PDE5A: variants seen among roughly 807,000 people sequenced by gnomAD.
The protein encoded by PDE5A is cGMP-specific 3',5'-cyclic phosphodiesterase.
A neutral mutation model predicts 110.2 loss-of-function variants in PDE5A; 67 were observed. The observed-to-expected ratio is 0.61, with a 90% confidence interval of 0.50 to 0.75. The LOEUF (loss-of-function observed/expected upper bound fraction) is 0.75, where lower values mean the gene tolerates loss of function less well. PDE5A is among the 30% of genes least tolerant of loss of function. The probability of loss-of-function intolerance (pLI) is 0.00; values close to 1 mark genes in which losing one functional copy is unlikely to be tolerated. For missense variants in PDE5A, 862 were observed against 1,045.1 expected (o/e 0.82, Z 2.42); for synonymous variants, 328 against 351.2 (o/e 0.93, Z 0.74).
At position 119,628,695 on chromosome 4, in the gene PDE5A, GCT is replaced by G; in HGVS notation, c.-26_-25del. 6.2e-7 allele frequency: 1 copy of G among 1,608,074 alleles called. No homozygotes were observed. Among genetic ancestry groups the G allele is most frequent in the Non-Finnish European group, 8.5e-7 (1 of 1,179,556 alleles). On this transcript the variant is annotated 5_prime_UTR_variant, in exon 1 of 21. Coordinates refer to ENST00000354960, the MANE Select transcript of PDE5A (RefSeq NM_001083.4). ...ATGGTTGGCACCGCGCGCCTCGGAG[GCT>G]CTCTGGTACTGCTTTTCCACCCCAG...
chr4:119,500,625 A>G (rs1442535434), intron 20 of PDE5A, among the ~76,000 whole-genome samples: 1 of 152,102 alleles, frequency 6.6e-6, no homozygotes, highest in Non-Finnish European at 1.5e-5. Flanking sequence ...TTCTTTCTGC[A>G]TTTGAGTCAT....
At chr4:119,571,719 A>G (rs1728144789) in intron 3 of PDE5A, among the ~76,000 whole-genome samples, 1 of 152,162 alleles carries the variant, frequency 6.6e-6, no homozygotes, top group Admixed American at 6.5e-5. Flanking sequence ...ATTCCATTCA[A>G]TTGTGATTCT....
intron 12 of PDE5A, among the ~76,000 whole-genome samples, chr4:119,522,991 A>C (rs1479168285): frequency 6.6e-6 from 1 of 152,090 alleles, no homozygotes; most frequent in Admixed American, 6.6e-5. Flanking sequence ...CTCCTGCTTC[A>C]AGAAACTCAA....
chr4:119,561,543 A>G (rs967113954), intron 6 of PDE5A, among the ~76,000 whole-genome samples: 1 of 152,186 alleles, frequency 6.6e-6, no homozygotes, highest in Admixed American at 6.5e-5. Flanking sequence ...AAGTTGTGTA[A>G]AAAAAGGAGT....
chr4:119,537,899 G>A (rs997743871), intron 11 of PDE5A, among the ~76,000 whole-genome samples: 2 of 152,198 alleles, frequency 1.3e-5, no homozygotes, highest in African/African-American at 4.8e-5. Context: ...AGAGAGTGGA[G>A]GAGCAGCTAT....
chr4:119,594,128 C>G (rs1433609862), intron 3 of PDE5A, among the ~76,000 whole-genome samples: 1 of 146,944 alleles, frequency 6.8e-6, no homozygotes, highest in Non-Finnish European at 1.5e-5. Flanking sequence ...CTCAATATAG[C>G]TGTGTTTTTT....
chr4:119,554,888 G>A (rs1435948547), intron 7 of PDE5A, among the ~76,000 whole-genome samples: 1 of 152,166 alleles, frequency 6.6e-6, no homozygotes, highest in Admixed American at 6.5e-5. Context: ...TTATACAAGG[G>A]ACTTTAGTGT....
chr4:119,553,582 AC>A (rs1421671166), intron 8 of PDE5A, 55 bp downstream of exon 8: 2 of 843,758 alleles, frequency 2.4e-6, no homozygotes, highest in African/African-American at 3.3e-5. Flanking sequence ...AACTGTAAGT[AC>A]AGATGTGATG....
intron 11 of PDE5A, among the ~76,000 whole-genome samples, chr4:119,529,985 A>G (rs942254946): frequency 7.9e-5 from 12 of 152,140 alleles, no homozygotes; most frequent in Admixed American, 5.2e-4. Context: ...ACTGAATCAG[A>G]AACCCTGGGA....
intron 8 of PDE5A, 24 bp from the exon 9 acceptor site, chr4:119,552,661 A>G: frequency 1.6e-6 from 2 of 1,273,270 alleles, no homozygotes; most frequent in Non-Finnish European, 2.2e-6. Context: ...AAAAGAACAA[A>G]ACAGCTAAAA....
At chr4:119,602,038 G>A (rs915186591) in intron 2 of PDE5A, among the ~76,000 whole-genome samples, 1 of 151,990 alleles carries the variant, frequency 6.6e-6, no homozygotes, top group Non-Finnish European at 1.5e-5. Context: ...TTGGATTGGG[G>A]GAAAATAACT....
Position 119,519,047 on chromosome 4 carries a change from C to A in PDE5A, c.1998G>T (p.Gln666His), listed in dbSNP as rs1324425031. The change falls in exon 14 of 21, where the codon CAG (glutamine) becomes CAT (histidine). Residue 666 changes from glutamine (Q) to histidine (H), a missense_variant and splice_region_variant. Physicochemically the swap from Gln to His is conservative, Grantham distance 24. Coordinates refer to ENST00000354960, the MANE Select transcript of PDE5A (RefSeq NM_001083.4). The stretch of plus-strand genomic sequence containing the variant: ...TTGCTTTACTGGGAAAGTCTTACCG[C>A]TGTATGTAAGAGTTATTCACACCAC... ...DHRGVNNSYIQRSEHPLAQLY... is the reference protein window; with the variant it reads ...DHRGVNNSYIHRSEHPLAQLY... 6.2e-7 allele frequency: 1 copy of A among 1,602,396 alleles called. No homozygotes were observed. Among genetic ancestry groups the A allele is most frequent in the Admixed American group, 1.7e-5 (1 of 59,920 alleles).
chr4:119,574,524 C>A (rs944175501), intron 3 of PDE5A, among the ~76,000 whole-genome samples: 4 of 152,014 alleles, frequency 2.6e-5, no homozygotes, highest in Admixed American at 2.0e-4. Context: ...CTCAAGGAAT[C>A]ATGGAGACCA....
At chr4:119,618,094 G>C (rs79133427) in intron 1 of PDE5A, among the ~76,000 whole-genome samples, 9,290 of 152,124 alleles carry the variant, frequency 0.061, 381 homozygotes, top group Middle Eastern at 0.095. Flanking sequence ...CCCTAGATGA[G>C]ACAGACTTAG....
chr4:119,522,096 G>A (rs1239049839), intron 12 of PDE5A, among the ~76,000 whole-genome samples: 2 of 152,066 alleles, frequency 1.3e-5, no homozygotes, highest in Non-Finnish European at 2.9e-5. Flanking sequence ...TTCATTGTCG[G>A]TAGAAACTGC....
chr4:119,604,714 A>G (rs1315579693), intron 2 of PDE5A, among the ~76,000 whole-genome samples: 1 of 152,128 alleles, frequency 6.6e-6, no homozygotes, highest in Admixed American at 6.5e-5. Context: ...GGTATTACTC[A>G]CTAGTAGTAC....
At chr4:119,599,037 AGCAGCGCAG>A (rs1729248976) in intron 2 of PDE5A, among the ~76,000 whole-genome samples, 1 of 152,168 alleles carries the variant, frequency 6.6e-6, no homozygotes, top group Admixed American at 6.5e-5. Context: ...GAATTCATTC[AGCAGCGCAG>A]GCATTGAGGC....
intron 3 of PDE5A, among the ~76,000 whole-genome samples, chr4:119,580,374 A>C (rs960632274): frequency 6.6e-6 from 1 of 152,256 alleles, no homozygotes; most frequent in African/African-American, 2.4e-5. Context: ...CATTGCGAGC[A>C]AAGTCTCCAA....
chr4:119,519,633 G>A (rs1578738295), intron 13 of PDE5A: 1 of 152,302 alleles, frequency 6.6e-6, no homozygotes, highest in South Asian at 2.1e-4. Flanking sequence ...CTAAATATAG[G>A]TTATTTTTTA....
Sources: gnomAD v4.1 joint callset for allele counts (sites outside exome capture counted in the v4.1 genomes callset) on GRCh38, gnomAD v4.1.1 for gene constraint, MANE v1.5 for transcripts, NCBI Gene and HGNC (gene_info 2026-07-23, HGNC 2026-07-21) for gene names.